The following HRH2 variants were observed in gnomAD, a reference collection of about 807,000 sequenced individuals.
HRH2 encodes histamine H2 receptor.
Under a neutral mutation model 20.1 loss-of-function variants are expected in HRH2, and 4 were observed. The ratio of observed to expected loss-of-function variants is 0.20; its 90% CI spans 0.10 to 0.45. The LOEUF (loss-of-function observed/expected upper bound fraction) is 0.45. HRH2 is among the 20% of genes least tolerant of loss of function. The pLI is 0.99. For missense variants in HRH2, 250 were observed against 461.6 expected (o/e 0.54, Z 4.20); for synonymous variants, 197 against 200.7 (o/e 0.98, Z 0.16).
intron 2 of HRH2, among the ~76,000 whole-genome samples, chr5:175,707,494 TC>T (rs1406567400): frequency 1.3e-5 from 2 of 152,298 alleles, no homozygotes; most frequent in East Asian, 3.9e-4. Context: ...TCATTTGAAG[TC>T]CAGAGACAGT....
At chr5:175,663,968 G>A (rs1313057719) in intron 1 of HRH2, among the ~76,000 whole-genome samples, 1 of 152,208 alleles carries the variant, frequency 6.6e-6, no homozygotes, top group African/African-American at 2.4e-5. Context: ...CCTATCTGAT[G>A]CCGTGTGACA....
intron 2 of HRH2, chr5:175,703,953 A>G (rs985747807): frequency 6.6e-6 from 1 of 152,168 alleles, no homozygotes; most frequent in African/African-American, 2.4e-5. Context: ...AAAGATTAGC[A>G]TGGCTCCTGT....
At chr5:175,698,771 T>A (rs1756696442) in intron 2 of HRH2, among the ~76,000 whole-genome samples, 1 of 151,980 alleles carries the variant, frequency 6.6e-6, no homozygotes, top group African/African-American at 2.4e-5. Flanking sequence ...ATGGAAAAAA[T>A]GTAAAAGGGG....
chr5:175,689,767 C>T (rs1025863137), intron 2 of HRH2, among the ~76,000 whole-genome samples: 3 of 151,574 alleles, frequency 2.0e-5, no homozygotes, highest in Non-Finnish European at 4.4e-5. Context: ...AGCACAGATG[C>T]GGGAAGGTGG....
rs114128132 is a variant in HRH2, at chr5:175,680,662, G to A, written c.-525-2047G>A. Among the ~76,000 whole-genome samples, 536 of 152,322 alleles carry A rather than the reference G, an allele frequency of 3.5e-3. 2 individuals carry two copies. The highest frequency in any genetic ancestry group is 0.012 in the African/African-American group (510 of 41,544). ...GAAGGTTGCTCCATAAGGGGATGAC[G>A]TGGCCCTCTAGGGCAATCCTTCTGC... On this transcript the variant is annotated intron_variant, in intron 1 of 2. Coordinates refer to ENST00000636584, the MANE Select transcript of HRH2 (RefSeq NM_001367711.1).
intron 2 of HRH2, among the ~76,000 whole-genome samples, chr5:175,689,167 A>C (rs1756277828): frequency 6.6e-6 from 1 of 152,148 alleles, no homozygotes; most frequent in Non-Finnish European, 1.5e-5. Context: ...AAATTGGATT[A>C]TACTCCACTT....
At chr5:175,676,626 G>A (rs745936901) in intron 1 of HRH2, among the ~76,000 whole-genome samples, 1 of 152,238 alleles carries the variant, frequency 6.6e-6, no homozygotes, top group Non-Finnish European at 1.5e-5. Flanking sequence ...TAGAGTACAA[G>A]TGCAATTATG....
intron 2 of HRH2, among the ~76,000 whole-genome samples, chr5:175,704,474 T>C (rs1469488287): frequency 6.6e-6 from 1 of 152,132 alleles, no homozygotes; most frequent in African/African-American, 2.4e-5. Context: ...ACAAAATCTC[T>C]GAGCACATTC....
rs1756052402 is a variant in HRH2 at position 175,683,228 on chromosome 5, C to T, written c.-6C>T. On this transcript the variant is annotated 5_prime_UTR_variant, in exon 2 of 3. Coordinates refer to ENST00000636584, the MANE Select transcript of HRH2 (RefSeq NM_001367711.1). Reference sequence around the variant, plus strand: ...TGATCAGGGGACTGAGCCGTAGAGTCCCAGGATGGCACCCAATGGCACAGC... The same window carrying T: ...TGATCAGGGGACTGAGCCGTAGAGTTCCAGGATGGCACCCAATGGCACAGC... The T allele has an allele frequency of 1.2e-6, 2 of 1,612,286 alleles. No individual in the cohort carries two copies. The highest frequency in any genetic ancestry group is 2.7e-5 in the African/African-American group (2 of 74,894).
In HRH2 at chr5:175,677,624, T is replaced by A. The variant is rs1398043129; in HGVS notation, c.-525-5085T>A. 6.6e-6 allele frequency among the ~76,000 whole-genome samples: 1 copy of A among 152,144 alleles called. No homozygotes were observed. The highest frequency in any genetic ancestry group is 1.5e-5 in the Non-Finnish European group (1 of 68,016). On this transcript the variant is annotated intron_variant, in intron 1 of 2. Transcript: ENST00000636584. The surrounding 1 kb of genome is among the most constrained non-coding windows in gnomAD (Gnocchi z 4.2). The stretch of plus-strand genomic sequence containing the variant: ...CCCCAAAATAACCCCTCCCAGCCCA[T>A]TTTGGGCTGCTCCTTGGGTGCTGAT...
chr5:175,662,614 C>T (rs534380436), intron 1 of HRH2, among the ~76,000 whole-genome samples: 3 of 152,290 alleles, frequency 2.0e-5, no homozygotes, highest in Admixed American at 6.5e-5. Context: ...TCTGCCCCCA[C>T]CCCTCAAGCA....
rs753045214 is a variant in HRH2 at position 175,684,295 on chromosome 5, G to A, written c.1062G>A (p.Gln354=). 1 of 1,613,994 alleles carries A rather than the reference G, an allele frequency of 6.2e-7. No individual in the cohort carries two copies. The highest frequency in any genetic ancestry group is 1.1e-5 in the South Asian group (1 of 91,086). The change falls in exon 2 of 3, where the codon CAG becomes CAA. Residue 354 remains glutamine, a synonymous_variant. Transcript: ENST00000636584. ...GTGGGACAGAAGTCACGGCCCCCCA[G>A]GGAGCCACAGACAGGTAATAGCCCT... is the stretch of plus-strand genomic sequence containing the variant. ...VWSGTEVTAP[Q]GATDRKPALS...
rs2113573796 is a variant in HRH2, at chr5:175,710,587, A to T, written c.*2616A>T. The T allele has an allele frequency of 6.6e-6, 1 of 152,404 alleles. No homozygotes were observed. The highest frequency in any genetic ancestry group is 1.5e-5 in the Non-Finnish European group (1 of 68,062). 9.4% of individuals were successfully genotyped at this position (152,404 alleles called of 1,614,324 possible). ...GCCCACGCACCACCCGCCACTGCAG[A>T]AGACGCCTCCACGTCTGTCTCTGGG... On this transcript the variant is annotated 3_prime_UTR_variant, in exon 3 of 3. Coordinates refer to ENST00000636584, the MANE Select transcript of HRH2 (RefSeq NM_001367711.1).
chr5:175,704,755 G>A (rs937250615), intron 2 of HRH2, among the ~76,000 whole-genome samples: 5 of 152,022 alleles, frequency 3.3e-5, no homozygotes, highest in African/African-American at 7.2e-5. Flanking sequence ...TAAAATCAAC[G>A]TACATTGTCA....
At chr5:175,704,830 A>G in intron 2 of HRH2, among the ~76,000 whole-genome samples, 1 of 151,868 alleles carries the variant, frequency 6.6e-6, no homozygotes, top group East Asian at 1.9e-4. Context: ...AGCTAAATAA[A>G]TCTTTCAATG....
At chr5:175,674,548 T>G (rs1219011100) in intron 1 of HRH2, among the ~76,000 whole-genome samples, 2 of 151,618 alleles carry the variant, frequency 1.3e-5, no homozygotes, top group African/African-American at 4.9e-5. Context: ...GTCTCGGGGG[T>G]AGTGAGACTC....
At chr5:175,707,591 T>G (rs1438560598) in intron 2 of HRH2, among the ~76,000 whole-genome samples, 188 bp from the exon 3 acceptor site, 1 of 152,210 alleles carries the variant, frequency 6.6e-6, no homozygotes, top group African/African-American at 2.4e-5. Context: ...TCTTGTGGGT[T>G]GAGGGAAGAA....
At chr5:175,663,174 T>C (rs1762787003) in intron 1 of HRH2, among the ~76,000 whole-genome samples, 1 of 152,202 alleles carries the variant, frequency 6.6e-6, no homozygotes, top group Non-Finnish European at 1.5e-5. Context: ...TTCTCTTGAA[T>C]ATATGCCTCG....
Position 175,708,942 on chromosome 5 carries a change from C to T in HRH2, c.*971C>T, listed in dbSNP as rs1184316965. ...AATGGTTGTGAATGGGGGAGTTGGCCCCCAGCACTCTCTGGTGGCCGTATG... is the reference window on the plus strand; with the variant it reads ...AATGGTTGTGAATGGGGGAGTTGGCTCCCAGCACTCTCTGGTGGCCGTATG... On this transcript the variant is annotated 3_prime_UTR_variant, in exon 3 of 3. Coordinates refer to ENST00000636584, the MANE Select transcript of HRH2 (RefSeq NM_001367711.1). 3 of 151,976 alleles carry T rather than the reference C, an allele frequency of 2.0e-5. No homozygotes were observed. Among genetic ancestry groups the T allele is most frequent in the African/African-American group, 7.3e-5 (3 of 41,308 alleles). The allele number at this position is 151,976 out of a possible 1,614,324, so 9.4% of individuals were successfully genotyped here. A position where few individuals can be genotyped will look rare whatever the true frequency, so the allele number is the denominator to read the frequency against.
Sources: gnomAD v4.1 joint callset for allele counts (sites outside exome capture counted in the v4.1 genomes callset) on GRCh38, gnomAD v4.1.1 for gene constraint, Gnocchi (gnomAD v3.1) non-coding constraint, MANE v1.5 for transcripts, NCBI Gene and HGNC (gene_info 2026-07-23, HGNC 2026-07-21) for gene names.